NXPE2: variants seen among roughly 807,000 people sequenced by gnomAD.
NXPE2 encodes NXPE family member 2.
A neutral mutation model predicts 34.4 loss-of-function variants in NXPE2; 34 were observed. The observed-to-expected ratio is 0.99, with a 90% CI of 0.75 to 1.31. The LOEUF (loss-of-function observed/expected upper bound fraction) is 1.31, where lower values mean the gene tolerates loss of function less well. Among genes scored for constraint, NXPE2 ranks in the 40% most tolerant of loss-of-function variants. The pLI is 0.00. For synonymous variants in NXPE2, 235 were observed against 231.3 expected, an observed-to-expected ratio of 1.02 and a Z score of -0.15; for missense variants, 649 against 672.5, an observed-to-expected ratio of 0.97 and a Z score of 0.39.
chr11:114,759,250 T>C, the NXPE2 span, among the ~76,000 whole-genome samples: 1 of 152,214 alleles, frequency 6.6e-6, no homozygotes, highest in Non-Finnish European at 1.5e-5. Context: ...GAGCCTCCTT[T>C]AGGGCTCAGG....
At chr11:114,693,647 T>C (rs1951194475) in intron 2 of NXPE2, among the ~76,000 whole-genome samples, 1 of 152,114 alleles carries the variant, frequency 6.6e-6, no homozygotes, top group Non-Finnish European at 1.5e-5. Context: ...AAAATCAAAA[T>C]TATCATTAGA....
the NXPE2 span, among the ~76,000 whole-genome samples, chr11:114,715,495 T>C: frequency 1.3e-5 from 2 of 152,210 alleles, no homozygotes; most frequent in African/African-American, 4.8e-5. Flanking sequence ...ATTTATTTTA[T>C]GGTGAAGATA....
the NXPE2 span, among the ~76,000 whole-genome samples, chr11:114,662,636 C>A: frequency 6.6e-6 from 1 of 152,116 alleles, no homozygotes; most frequent in Non-Finnish European, 1.5e-5. Flanking sequence ...CCAAAAGAAA[C>A]CCCTTCCTTT....
chr11:114,707,934 A>G (rs972693750), downstream of NXPE2, among the ~76,000 whole-genome samples: 1 of 152,170 alleles, frequency 6.6e-6, no homozygotes. Context: ...TTGTTTATCC[A>G]TTCATTTGTT....
At chr11:114,678,331 C>A, upstream of NXPE2, 1 of 401,022 alleles carries the variant, frequency 2.5e-6, no homozygotes, top group Non-Finnish European at 4.5e-6. Flanking sequence ...GATGTCCAGT[C>A]TCTAAAAACA....
the NXPE2 span, among the ~76,000 whole-genome samples, chr11:114,557,414 T>C: frequency 1.3e-5 from 2 of 151,922 alleles, no homozygotes; most frequent in Admixed American, 6.6e-5. Context: ...TTTAACTCTT[T>C]CACATTTTCT....
At chr11:114,782,716 A>T in the NXPE2 span, among the ~76,000 whole-genome samples, 1 of 152,226 alleles carries the variant, frequency 6.6e-6, no homozygotes, top group African/African-American at 2.4e-5. Context: ...CAGGGTCCTA[A>T]GGAAGATAAA....
At chr11:114,636,485 T>A in the NXPE2 span, among the ~76,000 whole-genome samples, 1 of 152,002 alleles carries the variant, frequency 6.6e-6, no homozygotes, top group African/African-American at 2.4e-5. Flanking sequence ...TGATTTTAGT[T>A]ATTTCTTGCC....
At chr11:114,529,873 G>A in the NXPE2 span, 2 of 296,972 alleles carry the variant, frequency 6.7e-6, no homozygotes, top group Admixed American at 9.2e-5. Flanking sequence ...AACAAAATAT[G>A]ATATGGGAGG....
chr11:114,486,878 A>G, the NXPE2 span, among the ~76,000 whole-genome samples: 2 of 152,256 alleles, frequency 1.3e-5, no homozygotes, highest in East Asian at 1.9e-4. Flanking sequence ...TGCCAGTACT[A>G]TGCTGTCTTG....
the NXPE2 span, among the ~76,000 whole-genome samples, chr11:114,806,239 T>C: frequency 2.0e-5 from 3 of 151,572 alleles, no homozygotes; most frequent in East Asian, 1.9e-4. Flanking sequence ...ACCACAAAGA[T>C]GGGAAAAAAA....
At chr11:114,647,590 T>C in the NXPE2 span, among the ~76,000 whole-genome samples, 1 of 152,234 alleles carries the variant, frequency 6.6e-6, no homozygotes, top group Non-Finnish European at 1.5e-5. Context: ...ATTTGCTGTT[T>C]AATAAATTTC....
the NXPE2 span, among the ~76,000 whole-genome samples, chr11:114,803,551 G>A: frequency 6.7e-6 from 1 of 148,836 alleles, no homozygotes; most frequent in Non-Finnish European, 1.5e-5. Context: ...AGGTAGAAGA[G>A]GCAAACAAAC....
the NXPE2 span, among the ~76,000 whole-genome samples, chr11:114,541,675 A>C: frequency 6.6e-6 from 1 of 152,074 alleles, no homozygotes; most frequent in Non-Finnish European, 1.5e-5. Context: ...AGTGGGGGGG[A>C]TGGTGCTTCC....
the NXPE2 span, among the ~76,000 whole-genome samples, chr11:114,759,967 A>C: frequency 2.6e-5 from 4 of 152,186 alleles, no homozygotes; most frequent in Non-Finnish European, 5.9e-5. Flanking sequence ...GTCTATGCTT[A>C]ACACAACCTT....
chr11:114,729,900 T>C, the NXPE2 span, among the ~76,000 whole-genome samples: 1 of 152,220 alleles, frequency 6.6e-6, no homozygotes, highest in Non-Finnish European at 1.5e-5. Context: ...AGAAGCTATT[T>C]AGTTTAATTA....
the NXPE2 span, among the ~76,000 whole-genome samples, chr11:114,539,628 C>G: frequency 6.6e-6 from 1 of 152,014 alleles, no homozygotes; most frequent in South Asian, 2.1e-4. Flanking sequence ...TAATTAAATT[C>G]TTAAGATGGG....
the NXPE2 span, among the ~76,000 whole-genome samples, chr11:114,589,740 T>C: frequency 1.5e-4 from 23 of 152,060 alleles, no homozygotes; most frequent in Non-Finnish European, 3.1e-4. Context: ...GGAGACAATA[T>C]CCCCTAAAGC....
rs1565387860 is a variant in NXPE2 at position 114,698,335 on chromosome 11, C to T, written c.423C>T (p.His141=). The change falls in exon 3 of 6, where the codon CAC becomes CAT. Residue 141 remains histidine, a synonymous_variant. Coordinates refer to ENST00000389586, the MANE Select transcript of NXPE2 (RefSeq NM_182495.6). ...TGGAGGTGAGGGACCACTTGGGACA[C>T]AGGAAGCAATATGGTGGGGATTTCC... The part of the protein sequence containing the change: ...ILLEVRDHLG[H]RKQYGGDFLR... 1.2e-6 allele frequency: 2 copies of T among 1,613,946 alleles called. No individual in the cohort carries two copies. Among genetic ancestry groups the T allele is most frequent in the Non-Finnish European group, 1.7e-6 (2 of 1,179,936 alleles).
Sources: gnomAD v4.1 joint callset for allele counts (sites outside exome capture counted in the v4.1 genomes callset) on GRCh38, gnomAD v4.1.1 for gene constraint, MANE v1.5 for transcripts, NCBI Gene and HGNC (gene_info 2026-07-23, HGNC 2026-07-21) for gene names.